Variants in BPIFA1 observed in about 807,000 individuals in gnomAD.
BPIFA1 encodes the protein BPI fold-containing family A member 1.
In BPIFA1, 24 loss-of-function variants were observed where a neutral mutation model predicts 25.1. The observed-to-expected ratio is 0.96, with a 90% CI of 0.69 to 1.35. The LOEUF (loss-of-function observed/expected upper bound fraction) is 1.35. BPIFA1 is among the 40% of genes most tolerant of loss of function. The pLI is 0.00. For missense variants in BPIFA1, 344 were observed against 303.7 expected (o/e 1.13, Z -0.99); for synonymous variants, 139 against 131.8 (o/e 1.05, Z -0.37).
intron 5 of BPIFA1, 45 bp downstream of exon 5, chr20:33,240,430 G>A (rs1230580123): frequency 4.4e-6 from 7 of 1,604,492 alleles, no homozygotes; most frequent in African/African-American, 1.3e-5. Flanking sequence ...ATGACAGGGT[G>A]TGATGCCGGA....
At chr20:33,239,768 T>C (rs1978863726) in intron 3 of BPIFA1, 35 bp from the exon 4 acceptor site, 1 of 1,573,652 alleles carries the variant, frequency 6.4e-7, no homozygotes, top group African/African-American at 1.3e-5. Context: ...CTAGAGGAGC[T>C]AATGTTTCCC....
intron 1 of BPIFA1, 87 bp downstream of exon 1, chr20:33,236,137 G>A (rs1978667987): frequency 6.6e-6 from 1 of 152,134 alleles, no homozygotes; most frequent in African/African-American, 2.4e-5. Flanking sequence ...GAGTGATCTT[G>A]ATCACTCACT....
intron 1 of BPIFA1, 73 bp from the exon 2 acceptor site, chr20:33,237,624 G>T: frequency 8.0e-7 from 1 of 1,247,104 alleles, no homozygotes; most frequent in Admixed American, 3.0e-5. Flanking sequence ...CCACCCCCCA[G>T]GTGTCAGGGC....
chr20:33,236,448 G>C (rs952465680), intron 1 of BPIFA1, among the ~76,000 whole-genome samples: 1 of 152,168 alleles, frequency 6.6e-6, no homozygotes, highest in African/African-American at 2.4e-5. Flanking sequence ...TTCAGAGGCT[G>C]TGGTCAAAGT....
intron 4 of BPIFA1, 21 bp downstream of exon 4, chr20:33,239,931 G>A (rs776859002): frequency 2.5e-6 from 4 of 1,603,306 alleles, no homozygotes; most frequent in Non-Finnish European, 3.4e-6. Context: ...CCCAAGAGGG[G>A]GTGAGAGGAT....
intron 4 of BPIFA1, 76 bp from the exon 5 acceptor site, chr20:33,240,157 T>G (rs2146500146): frequency 6.4e-7 from 1 of 1,573,160 alleles, no homozygotes; most frequent in East Asian, 2.2e-5. Context: ...AGGCTAGCAT[T>G]CTTGGCAAGG....
chr20:33,238,536 T>A (rs1978808106), intron 3 of BPIFA1, among the ~76,000 whole-genome samples: 1 of 152,222 alleles, frequency 6.6e-6, no homozygotes, highest in Admixed American at 6.5e-5. Flanking sequence ...GTGTTCACGC[T>A]GCTAGAGTGA....
chr20:33,240,264 G>A lies in BPIFA1; in HGVS notation c.460G>A (p.Ala154Thr), dbSNP rs1978896088. The change falls in exon 5 of 9, where the codon GCT becomes ACT. Residue 154 changes from alanine (A) to threonine (T), a missense_variant. Transcript: ENST00000354297. ...PLVGASLLRL[A>T]VKLDITAEIL... Reference sequence around the variant, plus strand: ...GGTCGGTGCAAGTCTGTTGAGGCTGGCTGTGAAGCTGGACATCACTGCAGA... The same window carrying A: ...GGTCGGTGCAAGTCTGTTGAGGCTGACTGTGAAGCTGGACATCACTGCAGA... 1.9e-6 allele frequency: 3 copies of A among 1,614,202 alleles called. No homozygotes were observed. Among genetic ancestry groups the A allele is most frequent in the Non-Finnish European group, 1.7e-6 (2 of 1,180,028 alleles).
chr20:33,239,153 A>T (rs1978836649), intron 3 of BPIFA1, among the ~76,000 whole-genome samples: 1 of 152,056 alleles, frequency 6.6e-6, no homozygotes. Context: ...CTTCTCCTGG[A>T]GACAACAGGG....
chr20:33,237,793 C>G lies in BPIFA1; in HGVS notation c.82C>G (p.Leu28Val). ...MAQFGGLPVP[L>V]DQTLPLNVNP... ...CCAGTTTGGAGGCCTGCCCGTGCCC[C>G]TGGACCAGACCCTGCCCTTGAATGT... The change falls in exon 2 of 9, where the codon CTG becomes GTG. Residue 28 changes from leucine (L) to valine (V), a missense_variant. By Grantham distance (32) the Leu-to-Val change is conservative. Coordinates refer to ENST00000354297, the MANE Select transcript of BPIFA1 (RefSeq NM_130852.3). 2 of 1,602,320 alleles carry G rather than the reference C, an allele frequency of 1.2e-6. No homozygotes were observed. The highest frequency in any genetic ancestry group is 1.7e-6 in the Non-Finnish European group (2 of 1,174,042).
At position 33,240,251 on chromosome 20, in the gene BPIFA1, T is replaced by G; in HGVS notation, c.447T>G (p.Ser149Arg). Residue 149 changes from serine (S) to arginine (R), a missense_variant, in exon 5 of 9, where the codon AGT becomes AGG. Transcript: ENST00000354297. Reference protein sequence around the residue: ...LQVNTPLVGASLLRLAVKLDI... With the variant: ...LQVNTPLVGARLLRLAVKLDI... ...TTTGCAGGCCCCTGGTCGGTGCAAG[T>G]CTGTTGAGGCTGGCTGTGAAGCTGG... 3 of 1,614,066 alleles carry G rather than the reference T, an allele frequency of 1.9e-6. No homozygotes were observed. The highest frequency in any genetic ancestry group is 2.5e-6 in the Non-Finnish European group (3 of 1,179,996).
rs1454285096 is a variant in BPIFA1, at chr20:33,242,086, G to A, written c.697G>A (p.Gly233Ser). The A allele has an allele frequency of 2.5e-6, 4 of 1,614,048 alleles. No homozygotes were observed. The highest frequency in any genetic ancestry group is 2.2e-5 in the East Asian group (1 of 44,894). ...VCPLVNEVLR[G>S]LDITLVHDIV... The stretch of plus-strand genomic sequence containing the variant: ...CCCTCTGGTCAATGAGGTTCTCAGA[G>A]GCTTGGACATCACCCTGGTGCATGA... The change falls in exon 7 of 9, where the codon GGC becomes AGC. Residue 233 changes from glycine (G) to serine (S), a missense_variant. Coordinates refer to ENST00000354297, the MANE Select transcript of BPIFA1 (RefSeq NM_130852.3).
chr20:33,238,187 T>C lies in BPIFA1; in HGVS notation c.293T>C (p.Val98Ala). 1.9e-6 allele frequency: 3 copies of C among 1,613,802 alleles called. No homozygotes were observed. The highest frequency in any genetic ancestry group is 2.5e-6 in the Non-Finnish European group (3 of 1,179,832). Residue 98 changes from valine (V) to alanine (A), a missense_variant, in exon 3 of 9, where the codon GTG (valine) becomes GCG (alanine). Physicochemically the swap from Val to Ala is moderately conservative, Grantham distance 64. Transcript: ENST00000354297. Reference sequence around the variant, plus strand: ...GGACTGCTTGGAAAAGTGACGTCAGTGATTCCTGGCCTGAACAACATCATT... The same window carrying C: ...GGACTGCTTGGAAAAGTGACGTCAGCGATTCCTGGCCTGAACAACATCATT... The part of the protein sequence containing the change: ...LGGLLGKVTS[V>A]IPGLNNIIDI...
chr20:33,237,427 G>C (rs895534077), intron 1 of BPIFA1, among the ~76,000 whole-genome samples: 1 of 152,210 alleles, frequency 6.6e-6, no homozygotes, highest in African/African-American at 2.4e-5. Context: ...GAGTGGGGCT[G>C]TCTCCTTTTT....
chr20:33,238,833 G>T (rs1269399706), intron 3 of BPIFA1, among the ~76,000 whole-genome samples: 1 of 152,192 alleles, frequency 6.6e-6, no homozygotes, highest in Non-Finnish European at 1.5e-5. Flanking sequence ...GCAGAGCCTG[G>T]TTCCTGGATA....
rs1978790113 is a variant in BPIFA1, at chr20:33,238,167, G to A, written c.273G>A (p.Leu91=). 15 of 1,613,936 alleles carry A rather than the reference G, an allele frequency of 9.3e-6. No individual in the cohort carries two copies. Among genetic ancestry groups the A allele is most frequent in the Non-Finnish European group, 1.2e-5 (14 of 1,179,910 alleles). The change falls in exon 3 of 9, where the codon CTG becomes CTA. Residue 91 remains leucine (L), a synonymous_variant. Coordinates refer to ENST00000354297, the MANE Select transcript of BPIFA1 (RefSeq NM_130852.3). ...GGTSGGLLGG[L]LGKVTSVIPG... is the part of the protein sequence containing the mutation. ...CTTCTGGTGGCCTCCTTGGGGGACT[G>A]CTTGGAAAAGTGACGTCAGTGATTC...
intron 3 of BPIFA1, among the ~76,000 whole-genome samples, chr20:33,238,528 G>A (rs1978807657): frequency 6.6e-6 from 1 of 152,224 alleles, no homozygotes; most frequent in Non-Finnish European, 1.5e-5. Flanking sequence ...AGGTGCCTGT[G>A]TTCACGCTGC....
At chr20:33,240,447 A>G (rs1978907722) in intron 5 of BPIFA1, 62 bp downstream of exon 5, 16 of 1,585,492 alleles carry the variant, frequency 1.0e-5, no homozygotes, top group Non-Finnish European at 1.4e-5. Flanking sequence ...CGGATGGATG[A>G]TTGGAAAGCT....
chr20:33,241,048 A>G (rs1978955506), intron 5 of BPIFA1, among the ~76,000 whole-genome samples: 2 of 152,230 alleles, frequency 1.3e-5, no homozygotes, highest in Non-Finnish European at 2.9e-5. Flanking sequence ...TAATGAACAC[A>G]TACATTGGGC....
Sources: gnomAD v4.1 joint callset for allele counts (sites outside exome capture counted in the v4.1 genomes callset) on GRCh38, gnomAD v4.1.1 for gene constraint, MANE v1.5 for transcripts, NCBI Gene and HGNC (gene_info 2026-07-23, HGNC 2026-07-21) for gene names.